MCTP2: variants seen among roughly 807,000 people sequenced by gnomAD.
MCTP2 encodes the protein multiple C2 and transmembrane domain-containing protein 2.
In MCTP2, 132 loss-of-function variants were observed where a neutral mutation model predicts 111.6. The observed-to-expected ratio is 1.18, with a 90% CI of 1.03 to 1.37. MCTP2 has a LOEUF of 1.37. MCTP2 is among the 40% of genes most tolerant of loss of function. MCTP2 has a pLI of 0.00. For missense variants in MCTP2, 1,183 were observed against 1,067.9 expected (o/e 1.11, Z -1.50); for synonymous variants, 395 against 387.7 (o/e 1.02, Z -0.22).
chr15:94,451,875 CCTT>C (rs1322008154), intron 19 of MCTP2, among the ~76,000 whole-genome samples: 3 of 152,128 alleles, frequency 2.0e-5, no homozygotes, highest in African/African-American at 7.2e-5. Flanking sequence ...AAAGGTTGTT[CCTT>C]CTTTTGTAGC....
intron 17 of MCTP2, among the ~76,000 whole-genome samples, chr15:94,421,568 C>T (rs1244693846): frequency 6.6e-6 from 1 of 152,184 alleles, no homozygotes; most frequent in African/African-American, 2.4e-5. Context: ...AGGCTGCCCC[C>T]ACATCCCTTG....
intron 1 of MCTP2, among the ~76,000 whole-genome samples, chr15:94,263,835 G>T (rs1299326982): frequency 1.6e-4 from 24 of 152,216 alleles, no homozygotes; most frequent in Non-Finnish European, 1.5e-5. Flanking sequence ...GGGTTATAAA[G>T]AAACTTTAGC....
chr15:94,449,458 G>T (rs925068573), intron 19 of MCTP2, among the ~76,000 whole-genome samples: 1 of 152,154 alleles, frequency 6.6e-6, no homozygotes, highest in East Asian at 1.9e-4. Flanking sequence ...ACCATGCTCC[G>T]TTATTGTGAA....
At chr15:94,356,890 C>T (rs974721368) in intron 9 of MCTP2, among the ~76,000 whole-genome samples, 9 of 152,044 alleles carry the variant, frequency 5.9e-5, no homozygotes, top group Admixed American at 5.2e-4. Context: ...AATTTTTAAT[C>T]TTAGTAATTT....
rs554636667 is a variant in MCTP2 at position 94,348,806 on chromosome 15, G to T, written c.1005+3642G>T. ...TTCCCAAATTAATACAGTTTTTTTT[G>T]TTTGTTGTACTGTTTTTTTGTTTTC... is the stretch of plus-strand genomic sequence containing the variant. On this transcript the variant is annotated intron_variant, in intron 8 of 22. Coordinates refer to ENST00000357742, the MANE Select transcript of MCTP2 (RefSeq NM_001385001.1). 6.3e-4 allele frequency among the ~76,000 whole-genome samples: 96 copies of T among 151,730 alleles called. 1 individual carries two copies. The highest frequency in any genetic ancestry group is 2.6e-3 in the East Asian group (13 of 5,068).
chr15:94,390,019 A>G (rs1445250175), intron 14 of MCTP2, among the ~76,000 whole-genome samples: 1 of 148,026 alleles, frequency 6.8e-6, no homozygotes, highest in African/African-American at 2.5e-5. Flanking sequence ...CCATATAAAT[A>G]TATTCATTAT....
In MCTP2 at chr15:94,379,039, C is replaced by T. The variant is rs191118000; in HGVS notation, c.1583-4983C>T. Among the ~76,000 whole-genome samples, 879 of 151,842 alleles carry T rather than the reference C, an allele frequency of 5.8e-3. 6 individuals are homozygous for T. The highest frequency in any genetic ancestry group is 9.4e-3 in the Non-Finnish European group (640 of 67,974). On this transcript the variant is annotated intron_variant, in intron 12 of 22. Coordinates refer to ENST00000357742, the MANE Select transcript of MCTP2 (RefSeq NM_001385001.1). ...GTGCCACAAAGAAGGCAAGGTTAAA[C>T]TAGGCCTGAGAAGTTAGTTTTTTGT... is the stretch of plus-strand genomic sequence containing the variant.
chr15:94,422,365 A>C (rs1596656043), intron 17 of MCTP2, among the ~76,000 whole-genome samples: 1 of 151,880 alleles, frequency 6.6e-6, no homozygotes, highest in African/African-American at 2.4e-5. Context: ...AGGGGCACTA[A>C]ATCCATGGTG....
chr15:94,450,345 CGT>C (rs894783243), intron 19 of MCTP2, among the ~76,000 whole-genome samples: 9 of 152,122 alleles, frequency 5.9e-5, no homozygotes, highest in Admixed American at 1.3e-4. Flanking sequence ...TGTGTGTGTG[CGT>C]GTGTGTGTGC....
At chr15:94,291,574 C>T (rs1233292190) in intron 1 of MCTP2, among the ~76,000 whole-genome samples, 1 of 150,988 alleles carries the variant, frequency 6.6e-6, no homozygotes, top group Non-Finnish European at 1.5e-5. Flanking sequence ...GCACTCCAGC[C>T]TGGGCTACAA....
At chr15:94,447,413 G>C (rs143277694) in intron 19 of MCTP2, among the ~76,000 whole-genome samples, 72 of 152,210 alleles carry the variant, frequency 4.7e-4, no homozygotes, top group Non-Finnish European at 8.8e-4. Flanking sequence ...TTTGTTTTTT[G>C]AGACAGAGTT....
intron 19 of MCTP2, among the ~76,000 whole-genome samples, chr15:94,456,810 G>C (rs971299373): frequency 6.6e-6 from 1 of 152,090 alleles, no homozygotes; most frequent in Admixed American, 6.5e-5. Flanking sequence ...TGGCAATGAG[G>C]CATTCTAGCC....
At chr15:94,367,892 A>C (rs1423129757) in intron 11 of MCTP2, 101 bp downstream of exon 11, 1 of 1,045,086 alleles carries the variant, frequency 9.6e-7, no homozygotes, top group East Asian at 3.0e-5. Context: ...AACTACATCA[A>C]AAGAGATCTT....
chr15:94,471,950 G>A (rs149523847), intron 21 of MCTP2, among the ~76,000 whole-genome samples: 18 of 152,208 alleles, frequency 1.2e-4, no homozygotes, highest in African/African-American at 4.3e-4. Flanking sequence ...CAATCATTTG[G>A]CTAGTGGTTT....
chr15:94,390,725 CTTT>C (rs777312969), intron 14 of MCTP2, among the ~76,000 whole-genome samples: 3 of 112,972 alleles, frequency 2.7e-5, no homozygotes, highest in African/African-American at 6.8e-5. Context: ...CTTTTCTTTT[CTTT>C]TTTTTTTTTT....
At chr15:94,318,326 C>T (rs1175903400) in intron 4 of MCTP2, among the ~76,000 whole-genome samples, 2 of 150,200 alleles carry the variant, frequency 1.3e-5, no homozygotes, top group African/African-American at 4.9e-5. Context: ...CTCTGTCGCC[C>T]AGGCTGGAGT....
rs761194000 is a variant in MCTP2 at position 94,314,353 on chromosome 15, C to T, written c.528+9C>T. On this transcript the variant is annotated intron_variant, in intron 3 of 22. Coordinates refer to ENST00000357742, the MANE Select transcript of MCTP2 (RefSeq NM_001385001.1). The stretch of plus-strand genomic sequence containing the variant: ...ATTTTGAAGAACAATCTGTGAGTGG[C>T]ATTCCTTAAAAAGAAACATTAAATG... The T allele has an allele frequency of 6.3e-7, 1 of 1,581,174 alleles. No homozygotes were observed. Among genetic ancestry groups the T allele is most frequent in the East Asian group, 2.2e-5 (1 of 44,570 alleles).
chr15:94,271,774 A>G (rs1171115087), intron 1 of MCTP2, among the ~76,000 whole-genome samples: 1 of 152,214 alleles, frequency 6.6e-6, no homozygotes, highest in Admixed American at 6.5e-5. Flanking sequence ...TGGCTTAAAA[A>G]TATGCACCAT....
chr15:94,236,582 A>G (rs538909381), intron 1 of MCTP2, among the ~76,000 whole-genome samples: 1 of 152,092 alleles, frequency 6.6e-6, no homozygotes, highest in Admixed American at 6.5e-5. Flanking sequence ...AGTTTATGGT[A>G]GGCAGCAGAA....
Sources: allele counts gnomAD v4.1 joint callset (sites outside exome capture counted in the v4.1 genomes callset), GRCh38; gene constraint gnomAD v4.1.1; transcripts MANE v1.5; gene names NCBI Gene and HGNC (gene_info 2026-07-23, HGNC 2026-07-21).